FIG4: variants seen among roughly 807,000 people sequenced by gnomAD.
The protein encoded by FIG4 is FIG4 phosphoinositide 5-phosphatase, also known as polyphosphoinositide phosphatase.
A neutral mutation model predicts 118.6 loss-of-function variants in FIG4; 112 were observed. The ratio of observed to expected loss-of-function variants is 0.94; its 90% CI spans 0.81 to 1.11. The LOEUF (loss-of-function observed/expected upper bound fraction) is 1.11, where lower values mean the gene tolerates loss of function less well. FIG4 is among the 50% of genes least tolerant of loss of function. The pLI is 0.00. For synonymous variants in FIG4, 369 were observed against 381.2 expected, an observed-to-expected ratio of 0.97 and a Z score of 0.37; for missense variants, 969 against 1,111.7, an observed-to-expected ratio of 0.87 and a Z score of 1.83.
chr6:109,787,592 A>G (rs1778013084), intron 18 of FIG4, among the ~76,000 whole-genome samples: 1 of 152,240 alleles, frequency 6.6e-6, no homozygotes, highest in African/African-American at 2.4e-5. Context: ...AACTGACTTT[A>G]AATGAAATGA....
intron 21 of FIG4, among the ~76,000 whole-genome samples, chr6:109,795,152 C>G (rs946366287): frequency 3.8e-5 from 4 of 106,002 alleles, no homozygotes; most frequent in Non-Finnish European, 5.3e-5. Flanking sequence ...GAGTCTCGCT[C>G]TGTCGCCCAG....
At position 109,743,700 on chromosome 6, in the gene FIG4, T is replaced by C. The variant is rs775988677; in HGVS notation, c.1065T>C (p.His355=). ...TGGATCAGGCAGATCCATTTGCACA[T>C]GTGGCTGCCCTTCACTTTGACCAGA... ...ITLDQADPFA[H]VAALHFDQMF... Residue 355 remains histidine (H), a synonymous_variant, in exon 10 of 23, where the codon CAT becomes CAC. Coordinates refer to ENST00000230124, the MANE Select transcript of FIG4 (RefSeq NM_014845.6). The C allele has an allele frequency of 2.5e-6, 4 of 1,612,914 alleles. No homozygotes were observed. The highest frequency in any genetic ancestry group is 3.4e-6 in the Non-Finnish European group (4 of 1,179,252).
intron 16 of FIG4, among the ~76,000 whole-genome samples, chr6:109,779,465 T>C (rs1777729522): frequency 1.3e-5 from 2 of 152,204 alleles, no homozygotes; most frequent in Admixed American, 6.5e-5. Context: ...GCTAAGATTA[T>C]TCAGTTAGAT....
intron 22 of FIG4, among the ~76,000 whole-genome samples, chr6:109,801,836 C>T (rs114279341): frequency 2.6e-4 from 40 of 152,322 alleles, no homozygotes; most frequent in African/African-American, 9.4e-4. Context: ...ATACAAGTCA[C>T]ACCCAGGACC....
At chr6:109,754,778 G>A (rs1206783631) in intron 10 of FIG4, among the ~76,000 whole-genome samples, 1 of 152,096 alleles carries the variant, frequency 6.6e-6, no homozygotes, top group Non-Finnish European at 1.5e-5. Flanking sequence ...TGTGGGATCG[G>A]TGGTGATATC....
At chr6:109,730,805 A>T (rs1267778984) in intron 4 of FIG4, among the ~76,000 whole-genome samples, 1 of 152,184 alleles carries the variant, frequency 6.6e-6, no homozygotes, top group Admixed American at 6.6e-5. Context: ...ATAAAGGTAA[A>T]TATTTTTATA....
intron 10 of FIG4, among the ~76,000 whole-genome samples, chr6:109,754,793 T>G (rs1008919582): frequency 5.3e-5 from 8 of 152,224 alleles, no homozygotes; most frequent in African/African-American, 1.7e-4. Flanking sequence ...GATATCTCCT[T>G]TATCGTTTTT....
chr6:109,810,055 C>A (rs1008473541), intron 22 of FIG4, among the ~76,000 whole-genome samples: 1 of 152,086 alleles, frequency 6.6e-6, no homozygotes, highest in Non-Finnish European at 1.5e-5. Context: ...GACTCTGTGT[C>A]TCCTCCTTAG....
chr6:109,778,677 C>T (rs1426917586), intron 16 of FIG4, among the ~76,000 whole-genome samples: 1 of 152,028 alleles, frequency 6.6e-6, no homozygotes, highest in African/African-American at 2.4e-5. Context: ...CAGCTCACTG[C>T]AAGCTCTGCC....
chr6:109,752,850 C>T (rs999091498), intron 10 of FIG4, among the ~76,000 whole-genome samples: 2 of 152,110 alleles, frequency 1.3e-5, no homozygotes, highest in Non-Finnish European at 2.9e-5. Context: ...TTAATTAGAT[C>T]CCATTTGTCA....
chr6:109,746,387 G>C (rs1562658588), intron 10 of FIG4, among the ~76,000 whole-genome samples: 1 of 152,140 alleles, frequency 6.6e-6, no homozygotes, highest in Non-Finnish European at 1.5e-5. Context: ...GTTTATAATG[G>C]AGAGAAGTCT....
At chr6:109,715,327 C>A in intron 2 of FIG4, 151 bp downstream of exon 2, 1 of 603,234 alleles carries the variant, frequency 1.7e-6, no homozygotes, top group Non-Finnish European at 2.9e-6. Context: ...ATTTGAATCT[C>A]CAATCTGATT....
At chr6:109,697,377 G>A (rs1774761476) in intron 1 of FIG4, among the ~76,000 whole-genome samples, 1 of 152,068 alleles carries the variant, frequency 6.6e-6, no homozygotes, top group South Asian at 2.1e-4. Context: ...AGATTCAACT[G>A]GGTTGCAGTC....
At chr6:109,710,912 A>ACC in intron 1 of FIG4, among the ~76,000 whole-genome samples, 1 of 151,846 alleles carries the variant, frequency 6.6e-6, no homozygotes, top group Non-Finnish European at 1.5e-5. Context: ...TAGTTTTTAA[A>ACC]AAAAAAAAAT....
At chr6:109,732,131 T>C (rs1227979875) in intron 4 of FIG4, among the ~76,000 whole-genome samples, 1 of 152,206 alleles carries the variant, frequency 6.6e-6, no homozygotes, top group African/African-American at 2.4e-5. Context: ...TTGTTCGTTA[T>C]TTATCTTAAA....
At chr6:109,765,759 A>G (rs955600656) in intron 14 of FIG4, among the ~76,000 whole-genome samples, 1 of 152,174 alleles carries the variant, frequency 6.6e-6, no homozygotes, top group Non-Finnish European at 1.5e-5. Flanking sequence ...AAGGATTACT[A>G]TTTCTTCACT....
intron 10 of FIG4, among the ~76,000 whole-genome samples, chr6:109,744,972 C>T (rs889774785): frequency 6.6e-6 from 1 of 152,120 alleles, no homozygotes. Context: ...GACATGAACT[C>T]ATCCTTTTTT....
At chr6:109,697,605 C>T (rs1774769973) in intron 1 of FIG4, among the ~76,000 whole-genome samples, 1 of 152,118 alleles carries the variant, frequency 6.6e-6, no homozygotes, top group Admixed American at 6.5e-5. Flanking sequence ...TCTTTTGTGA[C>T]TGAGCCTCAG....
intron 10 of FIG4, among the ~76,000 whole-genome samples, chr6:109,756,325 TC>T (rs1437519342): frequency 2.0e-5 from 3 of 152,252 alleles, no homozygotes; most frequent in Admixed American, 6.5e-5. Context: ...CTGTTGGGCT[TC>T]CCTTTGTGGG....
Sources: allele counts gnomAD v4.1 joint callset (sites outside exome capture counted in the v4.1 genomes callset), GRCh38; gene constraint gnomAD v4.1.1; transcripts MANE v1.5; gene names NCBI Gene and HGNC (gene_info 2026-07-23, HGNC 2026-07-21).